The following SLC28A3 variants were observed in gnomAD, a reference collection of about 807,000 sequenced individuals.
SLC28A3 encodes the protein concentrative Na(+)-nucleoside cotransporter 3.
Under a neutral mutation model 84.2 loss-of-function variants are expected in SLC28A3, and 68 were observed. The ratio of observed to expected loss-of-function variants is 0.81; its 90% CI spans 0.66 to 0.99. SLC28A3 has a LOEUF of 0.99. Among genes scored for constraint, SLC28A3 ranks in the 50% least tolerant of loss-of-function variants. SLC28A3 has a pLI of 0.00. For synonymous variants in SLC28A3, 267 were observed against 303.6 expected (o/e 0.88, Z 1.25); for missense variants, 712 against 841.5 (o/e 0.85, Z 1.90).
At chr9:84,280,767 A>T in intron 15 of SLC28A3, 34 bp downstream of exon 15, 3 of 1,605,986 alleles carry the variant, frequency 1.9e-6, no homozygotes, top group South Asian at 2.2e-5. Flanking sequence ...TCTATGGCAC[A>T]TCTGTGTTGT....
At chr9:84,362,554 C>T in the SLC28A3 span, among the ~76,000 whole-genome samples, 4 of 151,930 alleles carry the variant, frequency 2.6e-5, no homozygotes, top group Non-Finnish European at 5.9e-5. Flanking sequence ...ATTGCTTGAA[C>T]CTGGGAGGCG....
intron 8 of SLC28A3, 138 bp from the exon 9 acceptor site, chr9:84,294,413 A>G: frequency 1.3e-6 from 1 of 759,664 alleles, no homozygotes; most frequent in South Asian, 1.9e-5. Flanking sequence ...AACTTTAATC[A>G]GGCAGCTTCC....
At chr9:84,290,353 C>G in intron 10 of SLC28A3, 74 bp from the exon 11 acceptor site, 1 of 1,562,444 alleles carries the variant, frequency 6.4e-7, no homozygotes, top group African/African-American at 1.4e-5. Flanking sequence ...CCAATCTACT[C>G]ACAATTTTAT....
the SLC28A3 span, among the ~76,000 whole-genome samples, chr9:84,361,875 C>T: frequency 2.0e-5 from 3 of 150,150 alleles, no homozygotes; most frequent in Admixed American, 6.7e-5. Flanking sequence ...CGCCATGGCA[C>T]TGTAGCCTGG....
At chr9:84,334,808 C>G (rs549325559) in intron 1 of SLC28A3, among the ~76,000 whole-genome samples, 13 of 152,124 alleles carry the variant, frequency 8.5e-5, no homozygotes, top group African/African-American at 2.2e-4. Context: ...CCAACCCTAG[C>G]GTCACCAGTA....
upstream of SLC28A3, among the ~76,000 whole-genome samples, chr9:84,342,145 G>GAAAGA (rs1827175343): frequency 2.3e-5 from 3 of 128,502 alleles, no homozygotes; most frequent in African/African-American, 9.8e-5. Context: ...AAAAAAAAAA[G>GAAAGA]AAAAGAAAAA....
the SLC28A3 span, among the ~76,000 whole-genome samples, chr9:84,354,699 T>C: frequency 6.6e-6 from 1 of 151,642 alleles, no homozygotes; most frequent in Non-Finnish European, 1.5e-5. Context: ...AATACAAAAA[T>C]TAGCTGGTAT....
chr9:84,284,959 G>C (rs1472610408), intron 14 of SLC28A3, among the ~76,000 whole-genome samples: 4 of 152,184 alleles, frequency 2.6e-5, no homozygotes, highest in Non-Finnish European at 5.9e-5. Flanking sequence ...TTAGCCACTA[G>C]ACTATGAGGC....
the SLC28A3 span, among the ~76,000 whole-genome samples, chr9:84,351,232 A>G: frequency 6.6e-6 from 1 of 152,198 alleles, no homozygotes; most frequent in African/African-American, 2.4e-5. Flanking sequence ...GATCATCAAG[A>G]TGTCACTACG....
At chr9:84,323,029 TA>T (rs1192598210) in intron 1 of SLC28A3, among the ~76,000 whole-genome samples, 1 of 152,308 alleles carries the variant, frequency 6.6e-6, no homozygotes, top group South Asian at 2.1e-4. Flanking sequence ...TTTATTTATT[TA>T]TTTTTTTATA....
At chr9:84,308,818 T>C (rs1825886046) in intron 3 of SLC28A3, among the ~76,000 whole-genome samples, 1 of 152,206 alleles carries the variant, frequency 6.6e-6, no homozygotes, top group Non-Finnish European at 1.5e-5. Context: ...GTCACTTCTC[T>C]GAGGTTCATT....
At chr9:84,315,236 G>C (rs1588605140) in intron 1 of SLC28A3, among the ~76,000 whole-genome samples, 1 of 152,270 alleles carries the variant, frequency 6.6e-6, no homozygotes, top group East Asian at 1.9e-4. Context: ...TTAATACTAA[G>C]TTAAAAATAA....
chr9:84,341,071 T>C (rs1197717392), upstream of SLC28A3, among the ~76,000 whole-genome samples: 1 of 151,580 alleles, frequency 6.6e-6, no homozygotes, highest in Non-Finnish European at 1.5e-5. Flanking sequence ...CCTCCCAGGT[T>C]CAAGCAATTC....
chr9:84,347,717 A>G, the SLC28A3 span, among the ~76,000 whole-genome samples: 1 of 152,168 alleles, frequency 6.6e-6, no homozygotes, highest in Non-Finnish European at 1.5e-5. Context: ...TCGGGCTGCT[A>G]TATTGATTCC....
intron 1 of SLC28A3, among the ~76,000 whole-genome samples, chr9:84,327,925 CAAAAAAA>C (rs60624658): frequency 1.9e-5 from 2 of 107,358 alleles, no homozygotes; most frequent in African/African-American, 3.8e-5. Flanking sequence ...GACTCCATTT[CAAAAAAA>C]AAAAAAAAAA....
chr9:84,309,384 G>A (rs531539966), intron 3 of SLC28A3, among the ~76,000 whole-genome samples: 13 of 151,810 alleles, frequency 8.6e-5, no homozygotes, highest in Non-Finnish European at 1.3e-4. Context: ...TTAGCCAGGC[G>A]TGGTGGCATG....
At chr9:84,283,163 A>G (rs1373990713) in intron 14 of SLC28A3, among the ~76,000 whole-genome samples, 1 of 152,264 alleles carries the variant, frequency 6.6e-6, no homozygotes, top group African/African-American at 2.4e-5. Context: ...AGATGTGGCC[A>G]TGATGGGTTT....
At chr9:84,299,855 C>T (rs567787876) in intron 5 of SLC28A3, 130 bp from the exon 6 acceptor site, 185 of 1,043,928 alleles carry the variant, frequency 1.8e-4, no homozygotes, top group African/African-American at 1.1e-3. Context: ...TAGAATGGAG[C>T]GATCTTGGCT....
At chr9:84,326,131 A>T (rs1351528144) in intron 1 of SLC28A3, among the ~76,000 whole-genome samples, 1 of 152,148 alleles carries the variant, frequency 6.6e-6, no homozygotes, top group Admixed American at 6.6e-5. Context: ...TTTGGAATTC[A>T]TGCTTAATCA....
Sources: gnomAD v4.1 joint callset for allele counts (sites outside exome capture counted in the v4.1 genomes callset) on GRCh38, gnomAD v4.1.1 for gene constraint, MANE v1.5 for transcripts, NCBI Gene and HGNC (gene_info 2026-07-23, HGNC 2026-07-21) for gene names.